The following ROBO1 variants were observed in gnomAD, a reference collection of about 807,000 sequenced individuals.
ROBO1 encodes roundabout guidance receptor 1, also known as roundabout homolog 1.
Under a neutral mutation model 195.9 loss-of-function variants are expected in ROBO1, and 149 were observed. The observed-to-expected ratio is 0.76, with a 90% CI of 0.67 to 0.87. ROBO1 has a LOEUF of 0.87. Ranked by LOEUF, ROBO1 falls within the 40% of genes least tolerant of loss-of-function variation. The probability of loss-of-function intolerance (pLI) is 0.00; values close to 1 mark genes in which losing one functional copy is unlikely to be tolerated. For synonymous variants in ROBO1, 816 were observed against 733.2 expected (o/e 1.11, Z -1.82); for missense variants, 1,933 against 2,068.3 (o/e 0.93, Z 1.27).
At chr3:79,595,587 T>C (rs1944139935) in intron 1 of ROBO1, among the ~76,000 whole-genome samples, 1 of 151,710 alleles carries the variant, frequency 6.6e-6, no homozygotes, top group African/African-American at 2.4e-5. Flanking sequence ...AAAGAAAAAG[T>C]GCTCTGCAAA....
At chr3:79,720,079 A>G (rs1223696265) in intron 1 of ROBO1, among the ~76,000 whole-genome samples, 2 of 152,240 alleles carry the variant, frequency 1.3e-5, no homozygotes, top group Non-Finnish European at 2.9e-5. Context: ...TTAAGATAAT[A>G]AAAGTGTTAA....
chr3:79,583,492 A>G (rs1294241036), intron 2 of ROBO1, among the ~76,000 whole-genome samples: 1 of 151,934 alleles, frequency 6.6e-6, no homozygotes, highest in East Asian at 1.9e-4. Flanking sequence ...TGAATTCTGG[A>G]GAAATATCTG....
chr3:79,057,673 T>C (rs1377780723), intron 3 of ROBO1, among the ~76,000 whole-genome samples: 2 of 152,058 alleles, frequency 1.3e-5, no homozygotes, highest in East Asian at 3.9e-4. Flanking sequence ...TGGATCTCGC[T>C]TACAATGGGT....
At chr3:78,939,701 A>G (rs1246541731) in intron 3 of ROBO1, among the ~76,000 whole-genome samples, 1 of 151,162 alleles carries the variant, frequency 6.6e-6, no homozygotes, top group Non-Finnish European at 1.5e-5. Context: ...TCCTTTATGT[A>G]GACTTTTATA....
intron 19 of ROBO1, among the ~76,000 whole-genome samples, chr3:78,648,910 A>C (rs1706469245): frequency 6.6e-6 from 1 of 152,020 alleles, no homozygotes; most frequent in Non-Finnish European, 1.5e-5. Flanking sequence ...TACAATTGTC[A>C]CTTCTTACCA....
chr3:79,502,602 T>C (rs1940150068), intron 2 of ROBO1, among the ~76,000 whole-genome samples: 1 of 151,898 alleles, frequency 6.6e-6, no homozygotes, highest in Admixed American at 6.6e-5. Flanking sequence ...GGCTGAGGAG[T>C]GCAGGCGCAC....
chr3:78,728,337 A>T (rs2082211576), intron 5 of ROBO1, among the ~76,000 whole-genome samples: 1 of 152,196 alleles, frequency 6.6e-6, no homozygotes, highest in Non-Finnish European at 1.5e-5. Flanking sequence ...CTTTAACTCA[A>T]GACCAGTCCA....
intron 3 of ROBO1, among the ~76,000 whole-genome samples, chr3:79,110,565 A>G (rs969921020): frequency 1.3e-5 from 2 of 151,400 alleles, no homozygotes; most frequent in African/African-American, 4.9e-5. Context: ...CAAGAATGAG[A>G]ATCTCGTATC....
intron 4 of ROBO1, among the ~76,000 whole-genome samples, chr3:78,894,567 T>G (rs552434987): frequency 6.6e-6 from 1 of 152,040 alleles, no homozygotes; most frequent in South Asian, 2.1e-4. Context: ...AAAGATGAAA[T>G]AAAGAAGAAG....
intron 2 of ROBO1, among the ~76,000 whole-genome samples, chr3:79,183,789 C>G (rs2081388046): frequency 6.6e-6 from 1 of 152,092 alleles, no homozygotes; most frequent in Admixed American, 6.5e-5. Context: ...TGGGAATTCC[C>G]TGTAGCTATC....
At chr3:79,129,400 A>C (rs1274916187) in intron 2 of ROBO1, among the ~76,000 whole-genome samples, 3 of 152,200 alleles carry the variant, frequency 2.0e-5, no homozygotes, top group African/African-American at 7.2e-5. Context: ...GTGTGTATAT[A>C]TGTACATACA....
rs147640275 is a variant in ROBO1, at chr3:79,412,070, C to T, written c.88+177754G>A. Reference sequence around the variant, plus strand: ...CCTCTATTGAGAGTTCTGTCACAGACGAACCTGAAGGCTCTTACTGGGAAT... The same window carrying T: ...CCTCTATTGAGAGTTCTGTCACAGATGAACCTGAAGGCTCTTACTGGGAAT... On this transcript the variant is annotated intron_variant, in intron 2 of 30. Coordinates refer to ENST00000464233, the MANE Select transcript of ROBO1 (RefSeq NM_002941.4). 2.4e-3 allele frequency among the ~76,000 whole-genome samples: 370 copies of T among 152,140 alleles called. 2 individuals carry two copies. The highest frequency in any genetic ancestry group is 7.5e-3 in the African/African-American group (313 of 41,526).
At position 79,685,956 on chromosome 3, in the gene ROBO1, C is replaced by A. The variant is rs548292449; in HGVS notation, c.-51+81796G>T. Among the ~76,000 whole-genome samples, 5 of 152,146 alleles carry A rather than the reference C, an allele frequency of 3.3e-5. No homozygotes were observed. In the South Asian group the frequency reaches 1.0e-3, roughly 32 times the overall value. On this transcript the variant is annotated intron_variant, in intron 1 of 30. Transcript: ENST00000464233. ...TTAGACCAATATCCTTGATGAAAGC[C>A]AATGCAAAAATCCTCAATAAAATAC...
At chr3:79,377,000 A>G (rs2036408733) in intron 2 of ROBO1, among the ~76,000 whole-genome samples, 1 of 152,206 alleles carries the variant, frequency 6.6e-6, no homozygotes, top group Non-Finnish European at 1.5e-5. Context: ...ATAAAAATAT[A>G]TAATTAGATA....
intron 4 of ROBO1, among the ~76,000 whole-genome samples, chr3:78,818,599 T>G (rs2030446222): frequency 6.6e-6 from 1 of 152,212 alleles, no homozygotes. Context: ...CCTTGGAGGC[T>G]GAACTGGTGG....
intron 2 of ROBO1, among the ~76,000 whole-genome samples, chr3:79,473,490 G>C (rs1007136276): frequency 6.6e-6 from 1 of 151,962 alleles, no homozygotes; most frequent in African/African-American, 2.4e-5. Flanking sequence ...TTTCGACAAG[G>C]CCTCACCATC....
At chr3:79,428,147 A>C (rs1434544384) in intron 2 of ROBO1, among the ~76,000 whole-genome samples, 4 of 152,108 alleles carry the variant, frequency 2.6e-5, no homozygotes, top group Admixed American at 2.0e-4. Context: ...CAAAATATCT[A>C]AATAGCCATT....
At chr3:79,457,398 T>C (rs1030678007) in intron 2 of ROBO1, among the ~76,000 whole-genome samples, 1 of 150,638 alleles carries the variant, frequency 6.6e-6, no homozygotes, top group Non-Finnish European at 1.5e-5. Context: ...TGTGTGTGCG[T>C]GTGTGTGTGT....
intron 2 of ROBO1, among the ~76,000 whole-genome samples, chr3:79,476,990 T>C (rs1333780117): frequency 1.3e-5 from 2 of 152,158 alleles, no homozygotes; most frequent in Non-Finnish European, 2.9e-5. Context: ...GTCTATGTTA[T>C]GTAAATATGT....
Sources: allele counts gnomAD v4.1 joint callset (sites outside exome capture counted in the v4.1 genomes callset), GRCh38; gene constraint gnomAD v4.1.1; transcripts MANE v1.5; gene names NCBI Gene and HGNC (gene_info 2026-07-23, HGNC 2026-07-21).